Variants in LRCH3 observed in about 807,000 individuals in gnomAD.
The protein encoded by LRCH3 is DISP complex protein LRCH3.
A neutral mutation model predicts 104.5 loss-of-function variants in LRCH3; 68 were observed. That is an observed-to-expected ratio of 0.65 (90% CI 0.54 to 0.80). The LOEUF is 0.80. Ranked by LOEUF, LRCH3 falls within the 30% of genes least tolerant of loss-of-function variation. LRCH3 has a pLI of 0.00. For missense variants in LRCH3, 951 were observed against 953.9 expected, an observed-to-expected ratio of 1.00 and a Z score of 0.04; for synonymous variants, 344 against 361.3, an observed-to-expected ratio of 0.95 and a Z score of 0.54.
chr3:197,833,365 GAAAAAAAAAAAAA>G (rs71166710), intron 8 of LRCH3, among the ~76,000 whole-genome samples: 15 of 33,336 alleles, frequency 4.5e-4, no homozygotes, highest in Non-Finnish European at 6.8e-4. Flanking sequence ...ACTAAAAACC[GAAAAAAAAAAAAA>G]AAAAAAAAAA....
intron 3 of LRCH3, 145 bp from the exon 4 acceptor site, chr3:197,820,180 A>C (rs1171000552): frequency 1.6e-6 from 1 of 637,832 alleles, no homozygotes; most frequent in Non-Finnish European, 2.8e-6. Flanking sequence ...TCGAACCTGT[A>C]GGTAGTCTCT....
intron 4 of LRCH3, among the ~76,000 whole-genome samples, chr3:197,826,592 A>T (rs967557076): frequency 6.6e-6 from 1 of 152,118 alleles, no homozygotes. Context: ...TCCTTTTGTT[A>T]TCCTCACCTT....
At chr3:197,825,464 ATTTTTTTTTTTT>A (rs58237989) in intron 4 of LRCH3, among the ~76,000 whole-genome samples, 40 of 20,062 alleles carry the variant, frequency 2.0e-3, no homozygotes, top group Admixed American at 3.0e-3. Context: ...ATCCTCTTTG[ATTTTTTTTTTTT>A]TTTTTTTTTT....
intron 20 of LRCH3, chr3:197,880,390 G>A (rs1020109711): frequency 6.7e-6 from 5 of 747,028 alleles, no homozygotes; most frequent in African/African-American, 1.8e-5. Context: ...ATGTAAAAAT[G>A]TTACAGGATG....
At chr3:197,847,304 T>C (rs1738877164) in intron 10 of LRCH3, 105 bp from the exon 11 acceptor site, 2 of 1,069,060 alleles carry the variant, frequency 1.9e-6, no homozygotes, top group Non-Finnish European at 2.7e-6. Context: ...TTGCTACTGA[T>C]TAATAGAAAG....
chr3:197,866,785 T>C (rs1247934045), intron 17 of LRCH3, among the ~76,000 whole-genome samples: 1 of 152,150 alleles, frequency 6.6e-6, no homozygotes, highest in Non-Finnish European at 1.5e-5. Context: ...AAAGCACCAC[T>C]GTTCTCCAGC....
chr3:197,801,431 C>A (rs76951577), intron 1 of LRCH3, among the ~76,000 whole-genome samples: 1 of 152,076 alleles, frequency 6.6e-6, no homozygotes, highest in Non-Finnish European at 1.5e-5. Context: ...TCATGTTATA[C>A]TTTTAAAAAA....
rs559024972 is a variant in LRCH3, at chr3:197,804,295, A to G, written c.263-10613A>G. ...AAAAAGACCCACTTTGTGGGTGGCA[A>G]TAAGCAAAGAAGAAAGTTATGACAC... On this transcript the variant is annotated intron_variant, in intron 1 of 20. Coordinates refer to ENST00000425562, the MANE Select transcript of LRCH3 (RefSeq NM_001365715.1). Among the ~76,000 whole-genome samples the G allele has an allele frequency of 1.3e-4, 20 of 152,278 alleles. No individual in the cohort carries two copies. The South Asian group carries it at 3.9e-3, about 30-fold the overall frequency.
rs373414875 is a variant in LRCH3 at position 197,820,450 on chromosome 3, G to T, written c.640+20G>T. 1.1e-4 allele frequency: 154 copies of T among 1,373,188 alleles called. No homozygotes were observed. Among genetic ancestry groups the T allele is most frequent in the Non-Finnish European group, 1.5e-4 (149 of 969,822 alleles). 85.1% of individuals were successfully genotyped at this position (1,373,188 alleles called of 1,614,324 possible). Reference sequence around the variant, plus strand: ...CTGAAGGTAAGAAACTATGAAATAAGAAACCATGAAATAATTGTTTTATTA... The same window carrying T: ...CTGAAGGTAAGAAACTATGAAATAATAAACCATGAAATAATTGTTTTATTA... On this transcript the variant is annotated intron_variant, in intron 4 of 20. Transcript: ENST00000425562.
intron 15 of LRCH3, 198 bp downstream of exon 15, chr3:197,859,103 C>T (rs1286266165): frequency 3.6e-6 from 2 of 561,382 alleles, no homozygotes; most frequent in Admixed American, 3.2e-5. Context: ...TCATAGAGCT[C>T]ACATTAATTC....
chr3:197,792,791 A>G (rs1411841776), intron 1 of LRCH3, among the ~76,000 whole-genome samples: 1 of 150,526 alleles, frequency 6.6e-6, no homozygotes, highest in Admixed American at 6.7e-5. Context: ...AGCTGGGACT[A>G]CAGGCGCCCG....
At chr3:197,791,909 G>A (rs190955384) in intron 1 of LRCH3, among the ~76,000 whole-genome samples, 28 of 152,228 alleles carry the variant, frequency 1.8e-4, no homozygotes, top group African/African-American at 6.0e-4. Context: ...GAACGTTAGC[G>A]CGAGCTCTTC....
intron 1 of LRCH3, among the ~76,000 whole-genome samples, chr3:197,807,630 G>A (rs1035233955): frequency 2.6e-5 from 4 of 152,116 alleles, no homozygotes; most frequent in African/African-American, 4.8e-5. Context: ...GCCTAAGTCT[G>A]CCATTTTATT....
chr3:197,851,726 C>T (rs944211719), intron 12 of LRCH3, among the ~76,000 whole-genome samples: 4 of 152,078 alleles, frequency 2.6e-5, no homozygotes, highest in Admixed American at 2.6e-4. Context: ...GCTATATCCC[C>T]TATTACTATA....
intron 14 of LRCH3, among the ~76,000 whole-genome samples, chr3:197,857,925 T>C (rs552068724): frequency 6.6e-6 from 1 of 152,366 alleles, no homozygotes; most frequent in Admixed American, 6.5e-5. Flanking sequence ...TCATTGACCA[T>C]ATACATACCT....
intron 2 of LRCH3, among the ~76,000 whole-genome samples, chr3:197,816,275 T>C (rs1355209527): frequency 2.0e-5 from 3 of 151,966 alleles, no homozygotes; most frequent in Non-Finnish European, 4.4e-5. Context: ...TAGATGTGGG[T>C]TGTTTTTTTT....
chr3:197,838,046 C>T (rs1737122695), intron 9 of LRCH3, among the ~76,000 whole-genome samples: 1 of 149,860 alleles, frequency 6.7e-6, no homozygotes, highest in South Asian at 2.1e-4. Context: ...GGTGACAGAG[C>T]AAGATTCTGT....
chr3:197,848,206 CTTG>C (rs1271885655), intron 12 of LRCH3, 185 bp downstream of exon 12: 3 of 572,826 alleles, frequency 5.2e-6, no homozygotes, highest in Non-Finnish European at 9.3e-6. Context: ...AAGTGATTAT[CTTG>C]TTAACGGTAA....
At chr3:197,796,103 C>G (rs780838686) in intron 1 of LRCH3, among the ~76,000 whole-genome samples, 24 of 152,272 alleles carry the variant, frequency 1.6e-4, no homozygotes, top group Non-Finnish European at 2.6e-4. Flanking sequence ...AATATAAGAG[C>G]TGCCTTTCGT....
Sources: allele counts gnomAD v4.1 joint callset (sites outside exome capture counted in the v4.1 genomes callset), GRCh38; gene constraint gnomAD v4.1.1; transcripts MANE v1.5; gene names NCBI Gene and HGNC (gene_info 2026-07-23, HGNC 2026-07-21).